The following PDE5A variants were observed in gnomAD, a reference collection of about 807,000 sequenced individuals.
PDE5A encodes phosphodiesterase 5A, also known as cGMP-specific 3',5'-cyclic phosphodiesterase.
A neutral mutation model predicts 110.2 loss-of-function variants in PDE5A; 67 were observed. The observed-to-expected ratio is 0.61, with a 90% confidence interval of 0.50 to 0.75. The LOEUF is 0.75. PDE5A is among the 30% of genes least tolerant of loss of function. The pLI, the probability that PDE5A is intolerant of heterozygous loss-of-function variation, is 0.00. For synonymous variants in PDE5A, 328 were observed against 351.2 expected, an observed-to-expected ratio of 0.93 and a Z score of 0.74; for missense variants, 862 against 1,045.1, an observed-to-expected ratio of 0.82 and a Z score of 2.42.
At chr4:119,601,549 C>T (rs930447252) in intron 2 of PDE5A, among the ~76,000 whole-genome samples, 1 of 151,688 alleles carries the variant, frequency 6.6e-6, no homozygotes, top group African/African-American at 2.4e-5. Context: ...AAGTGTAGTG[C>T]TTTCTTGAGT....
chr4:119,500,402 C>T (rs970591054), intron 20 of PDE5A: 3 of 151,536 alleles, frequency 2.0e-5, no homozygotes, highest in Non-Finnish European at 4.4e-5. Context: ...TGCACCTCTC[C>T]CACTAACCAC....
chr4:119,572,933 T>C (rs1728193102), intron 3 of PDE5A, among the ~76,000 whole-genome samples: 1 of 152,218 alleles, frequency 6.6e-6, no homozygotes, highest in African/African-American at 2.4e-5. Context: ...CCTACCATAG[T>C]CAACCTTCTT....
At chr4:119,598,719 C>T (rs573743835) in intron 2 of PDE5A, among the ~76,000 whole-genome samples, 15 of 152,264 alleles carry the variant, frequency 9.9e-5, no homozygotes, top group African/African-American at 3.4e-4. Context: ...TGCCTGAGGG[C>T]GTTTTCCTGC....
At chr4:119,575,369 C>A (rs1728296518) in intron 3 of PDE5A, among the ~76,000 whole-genome samples, 1 of 152,126 alleles carries the variant, frequency 6.6e-6, no homozygotes. Context: ...AGAGCAACTC[C>A]AAGACACATA....
chr4:119,589,922 C>T (rs1028618519), intron 3 of PDE5A, among the ~76,000 whole-genome samples: 3 of 152,196 alleles, frequency 2.0e-5, no homozygotes, highest in African/African-American at 4.8e-5. Flanking sequence ...ACATTAAACA[C>T]ATCAGTGTAC....
intron 1 of PDE5A, among the ~76,000 whole-genome samples, chr4:119,610,434 T>C (rs1729703020): frequency 6.6e-6 from 1 of 152,250 alleles, no homozygotes; most frequent in South Asian, 2.1e-4. Context: ...ATAGACATTT[T>C]AACAATTTCA....
rs996915947 is a variant in PDE5A, at chr4:119,575,904, G to C, written c.832-8760C>G. On this transcript the variant is annotated intron_variant, in intron 3 of 20. Transcript: ENST00000354960. ...GACACAGACTGGCAAATTGGATAAA[G>C]AGTCAAGACCCATCAGTGTGCTGTA... Among the ~76,000 whole-genome samples, 82 of 152,290 alleles carry C rather than the reference G, an allele frequency of 5.4e-4. 1 individual carries two copies. Among genetic ancestry groups the C allele is most frequent in the African/African-American group, 1.9e-3 (80 of 41,548 alleles).
At chr4:119,508,357 TA>T (rs1162484231) in intron 15 of PDE5A, among the ~76,000 whole-genome samples, 1 of 152,064 alleles carries the variant, frequency 6.6e-6, no homozygotes, top group African/African-American at 2.4e-5. Context: ...TTCTTATCTG[TA>T]ATTTAAAGCA....
intron 1 of PDE5A, among the ~76,000 whole-genome samples, chr4:119,610,044 T>C (rs4597811): frequency 0.81 from 123,001 of 152,208 alleles, 49,868 homozygotes; most frequent in East Asian, 0.9. Flanking sequence ...GGTAAGTGTA[T>C]TGTACAAATC....
chr4:119,530,465 C>T (rs1412165468), intron 11 of PDE5A, among the ~76,000 whole-genome samples: 1 of 152,062 alleles, frequency 6.6e-6, no homozygotes, highest in Non-Finnish European at 1.5e-5. Flanking sequence ...AGGAGTGGAG[C>T]ACCAAGAAAT....
chr4:119,592,422 C>T (rs1729006084), intron 3 of PDE5A, among the ~76,000 whole-genome samples: 1 of 131,540 alleles, frequency 7.6e-6, no homozygotes, highest in Non-Finnish European at 1.5e-5. Flanking sequence ...CGCACCACTG[C>T]ACTCCAGCCT....
intron 3 of PDE5A, among the ~76,000 whole-genome samples, chr4:119,592,344 G>A (rs185168604): frequency 7.3e-5 from 11 of 149,902 alleles, no homozygotes; most frequent in Admixed American, 6.7e-4. Context: ...TGTAGTTCCA[G>A]GTACTCAGGA....
At chr4:119,610,281 T>C (rs1729698768) in intron 1 of PDE5A, among the ~76,000 whole-genome samples, 1 of 152,178 alleles carries the variant, frequency 6.6e-6, no homozygotes, top group African/African-American at 2.4e-5. Flanking sequence ...AAAATGCATG[T>C]GAAGCTGCCA....
intron 15 of PDE5A, among the ~76,000 whole-genome samples, chr4:119,508,345 ATTTC>A (rs1725626592): frequency 6.6e-6 from 1 of 151,984 alleles, no homozygotes; most frequent in African/African-American, 2.4e-5. Context: ...ACCATTTTTT[ATTTC>A]TTATCTGTAA....
chr4:119,503,891 A>C (rs776388909), intron 18 of PDE5A, among the ~76,000 whole-genome samples: 217 of 152,126 alleles, frequency 1.4e-3, no homozygotes, highest in Middle Eastern at 6.8e-3. Context: ...TAAAAATTCC[A>C]AAAAAAATTC....
In PDE5A at chr4:119,538,408, T is replaced by C. The variant is rs79238832; in HGVS notation, c.1632+552A>G. On this transcript the variant is annotated intron_variant, in intron 11 of 20. Transcript: ENST00000354960. ...GTAAAGTGTTAAAGTGCCTCAAATT[T>C]TCATTAATCTCAACCAAGCCATTCC... Among the ~76,000 whole-genome samples the C allele has an allele frequency of 7.4e-3, 1,125 of 152,236 alleles. 14 individuals carry two copies. The highest frequency in any genetic ancestry group is 0.025 in the African/African-American group (1,057 of 41,560).
chr4:119,502,229 A>G (rs935735835), intron 19 of PDE5A, among the ~76,000 whole-genome samples: 2 of 152,160 alleles, frequency 1.3e-5, no homozygotes, highest in Non-Finnish European at 2.9e-5. Flanking sequence ...GAACACTGCA[A>G]ATATTACACC....
At chr4:119,616,475 T>G (rs1729946895) in intron 1 of PDE5A, among the ~76,000 whole-genome samples, 1 of 152,182 alleles carries the variant, frequency 6.6e-6, no homozygotes, top group South Asian at 2.1e-4. Context: ...CAGAAGACTC[T>G]TGCAGCTCAA....
rs976795413 is a variant in PDE5A at position 119,596,626 on chromosome 4, A to G, written c.742-14T>C. On this transcript the variant is annotated splice_polypyrimidine_tract_variant and intron_variant, in intron 2 of 20. Transcript: ENST00000354960. ...GAACCGAGGATCCTAGTATGGAAAA[A>G]GAAATTCAATTTAATGACTGACCTG... 3 of 1,478,718 alleles carry G rather than the reference A, an allele frequency of 2.0e-6. No homozygotes were observed. The African/African-American group carries it at 4.2e-5, about 21-fold the overall frequency. The allele number at this position is 1,478,718 out of a possible 1,614,324, so 91.6% of individuals were successfully genotyped here.
Sources: gnomAD v4.1 joint callset for allele counts (sites outside exome capture counted in the v4.1 genomes callset) on GRCh38, gnomAD v4.1.1 for gene constraint, MANE v1.5 for transcripts, NCBI Gene and HGNC (gene_info 2026-07-23, HGNC 2026-07-21) for gene names.